ARAP2: variants seen among roughly 807,000 people sequenced by gnomAD.
ARAP2 encodes the protein ArfGAP with RhoGAP domain, ankyrin repeat and PH domain 2, also known as arf-GAP with Rho-GAP domain, ANK repeat and PH domain-containing protein 2.
ARAP2 carries 148 observed loss-of-function variants against 194.5 expected under a neutral mutation model. The ratio of observed to expected loss-of-function variants is 0.76; its 90% confidence interval spans 0.67 to 0.87. ARAP2 has a LOEUF of 0.87. Ranked by LOEUF, ARAP2 falls within the 40% of genes least tolerant of loss-of-function variation. ARAP2 has a pLI of 0.00. For synonymous variants in ARAP2, 695 were observed against 683.5 expected (o/e 1.02, Z -0.26); for missense variants, 2,128 against 1,989.7 (o/e 1.07, Z -1.32).
intron 27 of ARAP2, among the ~76,000 whole-genome samples, chr4:36,096,132 G>T (rs1715120420): frequency 6.6e-6 from 1 of 151,962 alleles, no homozygotes; most frequent in South Asian, 2.1e-4. Context: ...GGGAGGATGG[G>T]GCAGGTGGAT....
At chr4:36,210,292 C>A (rs4394022) in intron 6 of ARAP2, 98 bp downstream of exon 6, 936,491 of 1,029,720 alleles carry the variant, frequency 0.91, 426,388 homozygotes, top group East Asian at 1. Context: ...GTGTGTGTGG[C>A]GGTGGAGTGG....
intron 13 of ARAP2, chr4:36,160,240 C>T (rs1733601641): frequency 1.1e-5 from 13 of 1,133,722 alleles, no homozygotes; most frequent in African/African-American, 1.6e-5. Flanking sequence ...CAAGAGTTAG[C>T]AGGAAACTTC....
intron 19 of ARAP2, among the ~76,000 whole-genome samples, chr4:36,136,648 A>G (rs1190469567): frequency 6.6e-6 from 1 of 151,870 alleles, no homozygotes; most frequent in African/African-American, 2.4e-5. Context: ...TATGGCTGGA[A>G]AAGATAATAT....
chr4:36,009,090 G>T (rs568909607), intron 9 of ARAP2, among the ~76,000 whole-genome samples: 1 of 152,180 alleles, frequency 6.6e-6, no homozygotes, highest in Non-Finnish European at 1.5e-5. Flanking sequence ...CACATACACT[G>T]CTGCTGAGAA....
intron 7 of ARAP2, among the ~76,000 whole-genome samples, chr4:36,188,182 T>G (rs1740998265): frequency 6.6e-6 from 1 of 152,202 alleles, no homozygotes. Flanking sequence ...AAAAGGTCAT[T>G]CTTAAGACTT....
intron 11 of ARAP2, among the ~76,000 whole-genome samples, chr4:36,163,117 T>C (rs1416173070): frequency 1.3e-5 from 2 of 152,138 alleles, no homozygotes; most frequent in Non-Finnish European, 2.9e-5. Flanking sequence ...AGCGTGAGAA[T>C]CATTTGCTTA....
chr4:36,226,166 C>A (rs905931686), intron 2 of ARAP2, among the ~76,000 whole-genome samples: 5 of 149,626 alleles, frequency 3.3e-5, no homozygotes, highest in African/African-American at 1.3e-4. Context: ...AAAAAAAAAA[C>A]AGTGCTATGA....
chr4:36,039,556 A>T (rs1326264859), intron 5 of ARAP2, among the ~76,000 whole-genome samples: 2 of 152,090 alleles, frequency 1.3e-5, no homozygotes, highest in Non-Finnish European at 2.9e-5. Flanking sequence ...TCCTGGACTG[A>T]ATGCTGAGCC....
chr4:36,105,859 T>C (rs1264845561), intron 27 of ARAP2, among the ~76,000 whole-genome samples: 3 of 151,976 alleles, frequency 2.0e-5, no homozygotes, highest in African/African-American at 7.2e-5. Flanking sequence ...CTACTAGCAT[T>C]CACACAACAG....
intron 8 of ARAP2, among the ~76,000 whole-genome samples, chr4:36,179,784 G>A (rs1167304758): frequency 3.9e-5 from 6 of 152,146 alleles, no homozygotes; most frequent in African/African-American, 1.4e-4. Context: ...GTAAGTCTCC[G>A]TATTACACTT....
At chr4:36,159,778 A>G (rs141930914) in intron 13 of ARAP2, 167 of 239,012 alleles carry the variant, frequency 7.0e-4, no homozygotes, top group African/African-American at 3.5e-3. Flanking sequence ...CTTGCTTTGG[A>G]AGACATTTTT....
chr4:36,120,687 A>C lies in ARAP2; in HGVS notation c.3894+492T>G, dbSNP rs1289771715. ...GATGAAACATGAAAATATTAACTTTATAAAATGGAAATTTAAAAAGTCAAT... is the reference window on the plus strand; with the variant it reads ...GATGAAACATGAAAATATTAACTTTCTAAAATGGAAATTTAAAAAGTCAAT... On this transcript the variant is annotated intron_variant, in intron 23 of 32. Transcript: ENST00000303965. 2.6e-5 allele frequency among the ~76,000 whole-genome samples: 4 copies of C among 151,840 alleles called. No individual in the cohort carries two copies. In the East Asian group the frequency reaches 7.8e-4, roughly 29 times the overall value.
At chr4:36,120,504 G>A (rs1025585181) in intron 23 of ARAP2, among the ~76,000 whole-genome samples, 9 of 151,486 alleles carry the variant, frequency 5.9e-5, no homozygotes, top group Non-Finnish European at 8.9e-5. Flanking sequence ...CCATTTAAGG[G>A]AATGTTCAAA....
intron 26 of ARAP2, among the ~76,000 whole-genome samples, chr4:36,108,445 T>C (rs991214865): frequency 1.3e-5 from 2 of 151,938 alleles, no homozygotes; most frequent in African/African-American, 2.4e-5. Context: ...GTAACTTCTA[T>C]AGAAAACACT....
intron 9 of ARAP2, among the ~76,000 whole-genome samples, chr4:36,168,516 G>C (rs537738897): frequency 6.6e-6 from 1 of 152,108 alleles, no homozygotes; most frequent in Admixed American, 6.5e-5. Context: ...ATGTGTTCCC[G>C]GCTTATAAAG....
At chr4:36,031,745 T>A (rs1171972429) in intron 5 of ARAP2, among the ~76,000 whole-genome samples, 1 of 151,862 alleles carries the variant, frequency 6.6e-6, no homozygotes, top group African/African-American at 2.4e-5. Context: ...CTTGGCTCAC[T>A]GCAACCTCTG....
intron 7 of ARAP2, among the ~76,000 whole-genome samples, chr4:36,188,183 CTT>C (rs1740998912): frequency 3.3e-5 from 5 of 152,124 alleles, no homozygotes; most frequent in Non-Finnish European, 5.9e-5. Flanking sequence ...AAAGGTCATT[CTT>C]AAGACTTCGA....
At chr4:36,194,007 C>T (rs1578230411) in intron 6 of ARAP2, among the ~76,000 whole-genome samples, 1 of 152,116 alleles carries the variant, frequency 6.6e-6, no homozygotes, top group East Asian at 1.9e-4. Flanking sequence ...CCTCATTAAG[C>T]TTATATATCT....
At chr4:36,146,794 A>T (rs753148910) in intron 19 of ARAP2, among the ~76,000 whole-genome samples, 16 of 152,054 alleles carry the variant, frequency 1.1e-4, no homozygotes, top group Non-Finnish European at 2.4e-4. Context: ...TACATGTTTC[A>T]TGATGGTAGG....
Sources: gnomAD v4.1 joint callset for allele counts (sites outside exome capture counted in the v4.1 genomes callset) on GRCh38, gnomAD v4.1.1 for gene constraint, MANE v1.5 for transcripts, NCBI Gene and HGNC (gene_info 2026-07-23, HGNC 2026-07-21) for gene names.